Variants in DLGAP1 observed in about 807,000 individuals in gnomAD.
DLGAP1 encodes the protein DLG associated protein 1, also known as disks large-associated protein 1.
In DLGAP1, 11 loss-of-function variants were observed where a neutral mutation model predicts 90.8. The observed-to-expected ratio is 0.12, with a 90% confidence interval of 0.08 to 0.20. DLGAP1 has a LOEUF of 0.20. DLGAP1 is among the 10% of genes least tolerant of loss of function. DLGAP1 has a pLI of 1.00. For synonymous variants in DLGAP1, 558 were observed against 540.7 expected (o/e 1.03, Z -0.44); for missense variants, 1,050 against 1,333.8 (o/e 0.79, Z 3.31).
chr18:3,951,879 G>C (rs1486985276), intron 3 of DLGAP1, among the ~76,000 whole-genome samples: 1 of 152,150 alleles, frequency 6.6e-6, no homozygotes, highest in Non-Finnish European at 1.5e-5. Context: ...CAGCCATGCA[G>C]AACTGTGAGT....
intron 7 of DLGAP1, among the ~76,000 whole-genome samples, chr18:3,698,248 GC>G (rs1233813443): frequency 6.6e-6 from 1 of 152,120 alleles, no homozygotes; most frequent in African/African-American, 2.4e-5. Context: ...TGGTTATTTT[GC>G]CCATTAGTTG....
At chr18:4,039,407 G>A (rs1310963536) in intron 2 of DLGAP1, among the ~76,000 whole-genome samples, 1 of 152,116 alleles carries the variant, frequency 6.6e-6, no homozygotes, top group Non-Finnish European at 1.5e-5. Context: ...GATGGATGCT[G>A]GGGTAGGGTA....
intron 7 of DLGAP1, among the ~76,000 whole-genome samples, chr18:3,640,895 C>T (rs2058913090): frequency 6.6e-6 from 1 of 152,048 alleles, no homozygotes; most frequent in Admixed American, 6.6e-5. Context: ...CAATTTAATC[C>T]TTACTATTAT....
At chr18:3,731,707 C>G (rs2062437981) in intron 6 of DLGAP1, among the ~76,000 whole-genome samples, 1 of 152,036 alleles carries the variant, frequency 6.6e-6, no homozygotes, top group Non-Finnish European at 1.5e-5. Flanking sequence ...CGGCTCCTGG[C>G]TAAACTTATA....
chr18:3,659,018 G>A (rs530711738), intron 7 of DLGAP1, among the ~76,000 whole-genome samples: 1 of 152,246 alleles, frequency 6.6e-6, no homozygotes, highest in Non-Finnish European at 1.5e-5. Context: ...ATTGTTTTAA[G>A]AAAAACGTGT....
intron 2 of DLGAP1, among the ~76,000 whole-genome samples, chr18:4,123,465 C>T (rs559616244): frequency 8.5e-5 from 13 of 152,194 alleles, no homozygotes; most frequent in African/African-American, 1.9e-4. Flanking sequence ...AAAGTCTACT[C>T]GTGGAAATAT....
At chr18:4,368,164 A>C (rs555017856) in intron 1 of DLGAP1, among the ~76,000 whole-genome samples, 1 of 152,308 alleles carries the variant, frequency 6.6e-6, no homozygotes, top group East Asian at 1.9e-4. Flanking sequence ...GTCTTGGCTA[A>C]ATTTTGTTCT....
chr18:3,959,768 T>G (rs542145248), intron 3 of DLGAP1, among the ~76,000 whole-genome samples: 1 of 152,208 alleles, frequency 6.6e-6, no homozygotes, highest in Admixed American at 6.5e-5. Flanking sequence ...AGAAAAAAAG[T>G]GGTGAAATTA....
chr18:4,356,861 C>T (rs78055563), intron 1 of DLGAP1, among the ~76,000 whole-genome samples: 63 of 152,252 alleles, frequency 4.1e-4, no homozygotes, highest in African/African-American at 1.4e-3. Context: ...CTGCTCTAGT[C>T]CACTGGCCCC....
chr18:4,018,726 TATA>T (rs1413537017), intron 2 of DLGAP1, among the ~76,000 whole-genome samples: 1 of 152,208 alleles, frequency 6.6e-6, no homozygotes, highest in Admixed American at 6.5e-5. Context: ...AATACAGAAT[TATA>T]ATAATAAACC....
At chr18:3,818,228 C>T (rs745639856) in intron 4 of DLGAP1, among the ~76,000 whole-genome samples, 7 of 151,900 alleles carry the variant, frequency 4.6e-5, no homozygotes, top group Admixed American at 6.6e-5. Flanking sequence ...AGTGGTAGCC[C>T]GTCTATAACT....
intron 1 of DLGAP1, among the ~76,000 whole-genome samples, chr18:4,326,101 C>T (rs1032760650): frequency 6.6e-6 from 1 of 151,996 alleles, no homozygotes; most frequent in African/African-American, 2.4e-5. Context: ...AAAATATTTG[C>T]AAACTATGGA....
chr18:3,646,797 C>A (rs190707623), intron 7 of DLGAP1, among the ~76,000 whole-genome samples: 2 of 151,742 alleles, frequency 1.3e-5, no homozygotes, highest in South Asian at 2.1e-4. Context: ...TGGTGGTGGG[C>A]GCCTGTAGTC....
At chr18:4,134,455 T>C (rs2076367277) in intron 2 of DLGAP1, among the ~76,000 whole-genome samples, 1 of 152,116 alleles carries the variant, frequency 6.6e-6, no homozygotes, top group Non-Finnish European at 1.5e-5. Context: ...TAGAAATAAA[T>C]TTGAGTGAAA....
intron 3 of DLGAP1, among the ~76,000 whole-genome samples, chr18:3,901,968 T>G (rs956841541): frequency 6.6e-6 from 1 of 152,174 alleles, no homozygotes; most frequent in Non-Finnish European, 1.5e-5. Flanking sequence ...TTTGTGGGCT[T>G]GTCTTTCCGC....
At chr18:3,908,177 G>A (rs969089541) in intron 3 of DLGAP1, among the ~76,000 whole-genome samples, 4 of 152,168 alleles carry the variant, frequency 2.6e-5, no homozygotes, top group African/African-American at 7.2e-5. Flanking sequence ...GAGTAGGACA[G>A]AATTCCCTGT....
chr18:4,207,303 G>A lies in DLGAP1; in HGVS notation c.-266-56016C>T, dbSNP rs1320004967. 2.0e-5 allele frequency among the ~76,000 whole-genome samples: 3 copies of A among 152,106 alleles called. No individual in the cohort carries two copies. The East Asian group carries it at 5.8e-4, about 29-fold the overall frequency. Reference sequence around the variant, plus strand: ...GAATGACAGCCAAGCAGAGGGGGAAGCCCCTTATAAAACCATTAGCTCTTG... The same window carrying A: ...GAATGACAGCCAAGCAGAGGGGGAAACCCCTTATAAAACCATTAGCTCTTG... On this transcript the variant is annotated intron_variant, in intron 1 of 12. Coordinates refer to ENST00000315677, the MANE Select transcript of DLGAP1 (RefSeq NM_004746.4).
chr18:3,937,386 C>A (rs560364447), intron 3 of DLGAP1, among the ~76,000 whole-genome samples: 173 of 152,142 alleles, frequency 1.1e-3, no homozygotes, highest in African/African-American at 3.9e-3. Context: ...CAAGAGAGAG[C>A]CTGTGCAGGG....
chr18:3,897,654 CT>C (rs1252250609), intron 3 of DLGAP1, among the ~76,000 whole-genome samples: 1 of 151,952 alleles, frequency 6.6e-6, no homozygotes, highest in Non-Finnish European at 1.5e-5. Flanking sequence ...CTTGGAGGCA[CT>C]GAAAGTTTTA....
Sources: allele counts gnomAD v4.1 joint callset (sites outside exome capture counted in the v4.1 genomes callset), GRCh38; gene constraint gnomAD v4.1.1; transcripts MANE v1.5; gene names NCBI Gene and HGNC (gene_info 2026-07-23, HGNC 2026-07-21).